JAZF1: variants seen among roughly 807,000 people sequenced by gnomAD.
JAZF1 encodes the protein juxtaposed with another zinc finger protein 1.
Under a neutral mutation model 26.4 loss-of-function variants are expected in JAZF1, and 8 were observed. That is an observed-to-expected ratio of 0.30 (90% CI 0.18 to 0.55). The LOEUF (loss-of-function observed/expected upper bound fraction) is 0.55. JAZF1 is among the 20% of genes least tolerant of loss of function. JAZF1 has a pLI of 0.94. For synonymous variants in JAZF1, 126 were observed against 122.3 expected (o/e 1.03, Z -0.20); for missense variants, 199 against 322.0 (o/e 0.62, Z 2.92).
chr7:27,886,540 A>G (rs1783868039), intron 3 of JAZF1, among the ~76,000 whole-genome samples: 1 of 152,346 alleles, frequency 6.6e-6, no homozygotes, highest in South Asian at 2.1e-4. Context: ...ATGACATTTT[A>G]TGGGTGTGAA....
chr7:28,147,823 C>G (rs959574596), intron 1 of JAZF1, among the ~76,000 whole-genome samples: 5 of 151,832 alleles, frequency 3.3e-5, no homozygotes, highest in African/African-American at 1.2e-4. Flanking sequence ...GTGGAAGGAT[C>G]ACCTGAACAT....
chr7:27,859,366 A>C (rs1783334090), intron 3 of JAZF1, among the ~76,000 whole-genome samples: 1 of 152,220 alleles, frequency 6.6e-6, no homozygotes, highest in African/African-American at 2.4e-5. Context: ...CAGCAATCCC[A>C]TTACTGGGTA....
At chr7:28,158,220 G>A (rs1783223953) in intron 1 of JAZF1, among the ~76,000 whole-genome samples, 1 of 151,974 alleles carries the variant, frequency 6.6e-6, no homozygotes. Context: ...GAGAGAGAGA[G>A]AGAGATACTT....
At chr7:28,153,797 C>G (rs1336983695) in intron 1 of JAZF1, among the ~76,000 whole-genome samples, 1 of 152,112 alleles carries the variant, frequency 6.6e-6, no homozygotes, top group Non-Finnish European at 1.5e-5. Context: ...TGGCAATGAC[C>G]ACGGTGGGGT....
intron 1 of JAZF1, among the ~76,000 whole-genome samples, chr7:28,023,306 C>T (rs1783038110): frequency 6.6e-6 from 1 of 152,172 alleles, no homozygotes; most frequent in Non-Finnish European, 1.5e-5. Context: ...AGTAATTTCC[C>T]TTGCTAAGCC....
At chr7:27,862,053 G>A (rs1245315157) in intron 3 of JAZF1, among the ~76,000 whole-genome samples, 2 of 152,182 alleles carry the variant, frequency 1.3e-5, no homozygotes, top group Non-Finnish European at 2.9e-5. Context: ...GCCTGGCCTC[G>A]CAGAGTTAGG....
intron 2 of JAZF1, among the ~76,000 whole-genome samples, chr7:27,946,912 C>G (rs1784931771): frequency 6.6e-6 from 1 of 152,066 alleles, no homozygotes. Flanking sequence ...GACAGAATAT[C>G]ACTGTAATAT....
chr7:28,115,100 G>A (rs1784721513), intron 1 of JAZF1, among the ~76,000 whole-genome samples: 1 of 152,180 alleles, frequency 6.6e-6, no homozygotes, highest in Non-Finnish European at 1.5e-5. Context: ...TGTAGGTTCT[G>A]TTGTTGTTTT....
chr7:27,849,915 C>T (rs1783112117), intron 3 of JAZF1, among the ~76,000 whole-genome samples: 1 of 152,188 alleles, frequency 6.6e-6, no homozygotes, highest in African/African-American at 2.4e-5. Context: ...GAACCTCTGC[C>T]CGCAGTTCCC....
At chr7:28,004,349 G>A (rs1188620665) in intron 1 of JAZF1, among the ~76,000 whole-genome samples, 1 of 151,736 alleles carries the variant, frequency 6.6e-6, no homozygotes. Context: ...CAAGAGCCTA[G>A]AGGGCCAATG....
At chr7:27,868,370 G>A (rs1269995782) in intron 3 of JAZF1, among the ~76,000 whole-genome samples, 3 of 152,174 alleles carry the variant, frequency 2.0e-5, no homozygotes, top group East Asian at 1.9e-4. Flanking sequence ...GGTCCTCACC[G>A]CAACTCCCTG....
rs541975331 is a variant in JAZF1 at position 28,082,481 on chromosome 7, C to T, written c.116-90500G>A. Among the ~76,000 whole-genome samples the T allele has an allele frequency of 1.2e-4, 19 of 152,270 alleles. No individual in the cohort carries two copies. The South Asian group carries it at 2.3e-3, about 18-fold the overall frequency. On this transcript the variant is annotated intron_variant, in intron 1 of 4. Coordinates refer to ENST00000283928, the MANE Select transcript of JAZF1 (RefSeq NM_175061.4). The stretch of plus-strand genomic sequence containing the variant: ...TCTTAGGTTCTCTTCTCATACCACA[C>T]GGTCTTTCCTCTCCTGTGATTTTAG...
rs117464625 is a variant in JAZF1, at chr7:27,944,597, G to A, written c.188+47312C>T. On this transcript the variant is annotated intron_variant, in intron 2 of 4. Coordinates refer to ENST00000283928, the MANE Select transcript of JAZF1 (RefSeq NM_175061.4). ...AATTTTATTTCAGTCTGGGTCTCAGGCCAACAAAATAGTCCCTTGAACTTG... is the reference window on the plus strand; with the variant it reads ...AATTTTATTTCAGTCTGGGTCTCAGACCAACAAAATAGTCCCTTGAACTTG... Among the ~76,000 whole-genome samples the A allele has an allele frequency of 4.1e-4, 62 of 152,264 alleles. 1 individual carries two copies. In the East Asian group the frequency reaches 0.012, roughly 29 times the overall value.
chr7:28,030,105 T>C (rs960700296), intron 1 of JAZF1, among the ~76,000 whole-genome samples: 5 of 152,174 alleles, frequency 3.3e-5, no homozygotes, highest in Non-Finnish European at 5.9e-5. Context: ...GATGCAGACC[T>C]GAGCAAACCA....
At chr7:28,128,249 C>T (rs777555537) in intron 1 of JAZF1, among the ~76,000 whole-genome samples, 33 of 152,194 alleles carry the variant, frequency 2.2e-4, no homozygotes, top group South Asian at 4.2e-4. Context: ...TTCGACTGGG[C>T]GCAGTGCTTC....
At chr7:28,172,181 G>A (rs1281993557) in intron 1 of JAZF1, among the ~76,000 whole-genome samples, 1 of 152,082 alleles carries the variant, frequency 6.6e-6, no homozygotes, top group African/African-American at 2.4e-5. Context: ...ATTTTCCACA[G>A]GGCAGAAAGA....
chr7:28,045,786 C>A (rs1000860508), intron 1 of JAZF1, among the ~76,000 whole-genome samples: 2 of 152,148 alleles, frequency 1.3e-5, no homozygotes, highest in Non-Finnish European at 2.9e-5. Context: ...GTTGCCCAGG[C>A]TGGTCTTGAA....
intron 1 of JAZF1, among the ~76,000 whole-genome samples, chr7:28,127,887 C>A (rs1175906961): frequency 6.6e-6 from 1 of 152,066 alleles, no homozygotes; most frequent in Non-Finnish European, 1.5e-5. Context: ...AGCAGTATGG[C>A]GGGTGTTCTC....
At chr7:27,973,229 T>A (rs947482485) in intron 2 of JAZF1, among the ~76,000 whole-genome samples, 1 of 152,180 alleles carries the variant, frequency 6.6e-6, no homozygotes, top group Non-Finnish European at 1.5e-5. Context: ...TGTTATGATT[T>A]TTTAAATTTT....
Sources: allele counts gnomAD v4.1 joint callset (sites outside exome capture counted in the v4.1 genomes callset), GRCh38; gene constraint gnomAD v4.1.1; transcripts MANE v1.5; gene names NCBI Gene and HGNC (gene_info 2026-07-23, HGNC 2026-07-21).